The following NSUN3 variants were observed in gnomAD, a reference collection of about 807,000 sequenced individuals.
NSUN3 encodes NOP2/Sun RNA methyltransferase 3, also known as tRNA (cytosine(34)-C(5))-methyltransferase, mitochondrial.
In NSUN3, 24 loss-of-function variants were observed where a neutral mutation model predicts 36.8. The observed-to-expected ratio is 0.65, with a 90% CI of 0.47 to 0.92. The LOEUF is 0.92. Ranked by LOEUF, NSUN3 falls within the 40% of genes least tolerant of loss-of-function variation. The probability of loss-of-function intolerance (pLI) is 0.00; values close to 1 mark genes in which losing one functional copy is unlikely to be tolerated. For missense variants in NSUN3, 381 were observed against 392.8 expected (o/e 0.97, Z 0.25); for synonymous variants, 146 against 145.2 (o/e 1.01, Z -0.04).
Position 94,130,821 on chromosome 3 carries a change from T to C in NSUN3, c.*4331T>C, listed in dbSNP as rs2077506259. Among the ~76,000 whole-genome samples, 8 of 152,184 alleles carry C rather than the reference T, an allele frequency of 5.3e-5. No individual in the cohort carries two copies. Among genetic ancestry groups the C allele is most frequent in the Admixed American group, 5.2e-4 (8 of 15,274 alleles). The stretch of plus-strand genomic sequence containing the variant: ...CTTCCTAGCCACACAGTGGGAGCCT[T>C]GTTTGACCTTTTTTAACCTTTCCTG... On this transcript the variant is annotated 3_prime_UTR_variant, in exon 6 of 6. Coordinates refer to ENST00000314622, the MANE Select transcript of NSUN3 (RefSeq NM_022072.5).
intron 2 of NSUN3, among the ~76,000 whole-genome samples, chr3:94,071,215 T>C (rs2077223883): frequency 6.6e-6 from 1 of 152,218 alleles, no homozygotes; most frequent in African/African-American, 2.4e-5. Flanking sequence ...AATAATATTA[T>C]TGATCCCTGA....
intron 2 of NSUN3, among the ~76,000 whole-genome samples, chr3:94,073,565 A>AT (rs1342333678): frequency 6.6e-6 from 1 of 152,060 alleles, no homozygotes; most frequent in Non-Finnish European, 1.5e-5. Context: ...GATGATGAGC[A>AT]TTTTTTCATA....
intron 5 of NSUN3, among the ~76,000 whole-genome samples, chr3:94,099,621 C>T (rs946041269): frequency 2.0e-5 from 3 of 152,000 alleles, no homozygotes; most frequent in East Asian, 1.9e-4. Context: ...GCCAAAATTC[C>T]TAGTCCCTTG....
At chr3:94,091,899 G>A (rs915068664) in intron 3 of NSUN3, among the ~76,000 whole-genome samples, 2 of 152,160 alleles carry the variant, frequency 1.3e-5, no homozygotes, top group African/African-American at 2.4e-5. Flanking sequence ...CCCTCACCTC[G>A]TGGCTGGAGC....
chr3:94,119,036 T>C (rs1311526153), intron 5 of NSUN3, among the ~76,000 whole-genome samples: 1 of 152,188 alleles, frequency 6.6e-6, no homozygotes, highest in African/African-American at 2.4e-5. Context: ...TGTTTGTGAT[T>C]TGGATGAAAC....
At chr3:94,077,608 A>G (rs2077251895) in intron 2 of NSUN3, among the ~76,000 whole-genome samples, 1 of 152,136 alleles carries the variant, frequency 6.6e-6, no homozygotes. Flanking sequence ...TACTGCCTCA[A>G]TTTCAGAACT....
chr3:94,110,856 A>T (rs1265686811), intron 5 of NSUN3, among the ~76,000 whole-genome samples: 1 of 148,136 alleles, frequency 6.8e-6, no homozygotes, highest in African/African-American at 2.5e-5. Context: ...ATCTGCTTTG[A>T]CTCCTTCCTA....
At chr3:94,112,427 T>G (rs1032961594) in intron 5 of NSUN3, among the ~76,000 whole-genome samples, 1 of 152,160 alleles carries the variant, frequency 6.6e-6, no homozygotes, top group Non-Finnish European at 1.5e-5. Context: ...TTAAGACAGT[T>G]TTTCTTCTAA....
At chr3:94,085,137 G>T (rs941486915) in intron 3 of NSUN3, 1 of 152,006 alleles carries the variant, frequency 6.6e-6, no homozygotes, top group Non-Finnish European at 1.5e-5. Flanking sequence ...TGAGAAGAGG[G>T]TATAGTATTG....
At chr3:94,065,816 A>C (rs950525219) in intron 2 of NSUN3, among the ~76,000 whole-genome samples, 1 of 152,246 alleles carries the variant, frequency 6.6e-6, no homozygotes, top group African/African-American at 2.4e-5. Context: ...TGAGGTTTTC[A>C]GTATACAAAG....
At chr3:94,090,533 C>T (rs1052878993) in intron 3 of NSUN3, among the ~76,000 whole-genome samples, 3 of 152,046 alleles carry the variant, frequency 2.0e-5, no homozygotes, top group African/African-American at 4.8e-5. Context: ...TATGCACATA[C>T]TAAATGCAAG....
In NSUN3 at chr3:94,065,213, G is replaced by A. The variant is rs541181759; in HGVS notation, c.122+667G>A. On this transcript the variant is annotated intron_variant, in intron 2 of 5. Transcript: ENST00000314622. ...AGTCTGCATGTCCAGTTTACATGCC[G>A]TCTAGTTAGTGTTAATGGGAGAAGT... Among the ~76,000 whole-genome samples the A allele has an allele frequency of 5.9e-5, 9 of 152,262 alleles. No individual in the cohort carries two copies. In the East Asian group the frequency reaches 9.7e-4, roughly 16 times the overall value.
At chr3:94,067,143 A>C (rs2077207517) in intron 2 of NSUN3, among the ~76,000 whole-genome samples, 2 of 152,148 alleles carry the variant, frequency 1.3e-5, no homozygotes, top group Non-Finnish European at 2.9e-5. Context: ...TATATACGTG[A>C]CCAAGCCCCA....
rs576735051 is a variant in NSUN3 at position 94,079,382 on chromosome 3, T to C, written c.123-4725T>C. On this transcript the variant is annotated intron_variant, in intron 2 of 5. Coordinates refer to ENST00000314622, the MANE Select transcript of NSUN3 (RefSeq NM_022072.5). ...AACATTTTTTCCTTCATTTCAACCTTGGTAATCTGACAATTATGTGCCTTG... is the reference window on the plus strand; with the variant it reads ...AACATTTTTTCCTTCATTTCAACCTCGGTAATCTGACAATTATGTGCCTTG... Among the ~76,000 whole-genome samples the C allele has an allele frequency of 1.4e-4, 22 of 152,280 alleles. No individual in the cohort carries two copies. The South Asian group carries it at 4.3e-3, about 30-fold the overall frequency.
chr3:94,128,884 T>C lies in NSUN3; in HGVS notation c.*2394T>C, dbSNP rs370724724. On this transcript the variant is annotated 3_prime_UTR_variant, in exon 6 of 6. Transcript: ENST00000314622. ...GACATTCACATGGCCAACAAACATA[T>C]GAAAAAGTGCTCTTCATCACTAATC... Among the ~76,000 whole-genome samples, 1 of 152,138 alleles carries C rather than the reference T, an allele frequency of 6.6e-6. No individual in the cohort carries two copies. Among genetic ancestry groups the C allele is most frequent in the East Asian group, 1.9e-4 (1 of 5,178 alleles).
intron 2 of NSUN3, among the ~76,000 whole-genome samples, chr3:94,081,092 G>A (rs1314029962): frequency 6.6e-6 from 1 of 152,212 alleles, no homozygotes; most frequent in East Asian, 1.9e-4. Flanking sequence ...CATGGGGAAA[G>A]CGTGGTATCT....
chr3:94,073,168 T>C (rs1576081489), intron 2 of NSUN3, among the ~76,000 whole-genome samples: 1 of 152,224 alleles, frequency 6.6e-6, no homozygotes, highest in South Asian at 2.1e-4. Context: ...TTTCATGGGG[T>C]ATATGTGACA....
At position 94,128,013 on chromosome 3, in the gene NSUN3, G is replaced by A. The variant is rs1335471016; in HGVS notation, c.*1523G>A. ...AGGCAGGGGGCATCTCCTGAGGTCA[G>A]AAGTTCGAGACTAGCCTGCCCAACA... On this transcript the variant is annotated 3_prime_UTR_variant, in exon 6 of 6. Coordinates refer to ENST00000314622, the MANE Select transcript of NSUN3 (RefSeq NM_022072.5). 6.6e-6 allele frequency: 1 copy of A among 152,158 alleles called. No individual in the cohort carries two copies. The highest frequency in any genetic ancestry group is 1.5e-5 in the Non-Finnish European group (1 of 68,052). 9.4% of individuals were successfully genotyped at this position (152,158 alleles called of 1,614,324 possible).
chr3:94,071,632 T>C (rs539462357), intron 2 of NSUN3, among the ~76,000 whole-genome samples: 43 of 152,230 alleles, frequency 2.8e-4, no homozygotes, highest in African/African-American at 1.0e-3. Flanking sequence ...TTTTTCAAAA[T>C]GATATCAGTG....
Sources: allele counts gnomAD v4.1 joint callset (sites outside exome capture counted in the v4.1 genomes callset), GRCh38; gene constraint gnomAD v4.1.1; transcripts MANE v1.5; gene names NCBI Gene and HGNC (gene_info 2026-07-23, HGNC 2026-07-21).